Variants in PPEF2 observed in about 807,000 individuals in gnomAD.
PPEF2 encodes serine/threonine-protein phosphatase with EF-hands 2.
A neutral mutation model predicts 84.7 loss-of-function variants in PPEF2; 84 were observed. The ratio of observed to expected loss-of-function variants is 0.99; its 90% CI spans 0.83 to 1.19. PPEF2 has a LOEUF of 1.19. Among genes scored for constraint, PPEF2 ranks in the 50% most tolerant of loss-of-function variants. The pLI, the probability that PPEF2 is intolerant of heterozygous loss-of-function variation, is 0.00. For missense variants in PPEF2, 924 were observed against 937.5 expected, an observed-to-expected ratio of 0.99 and a Z score of 0.19; for synonymous variants, 346 against 345.2, an observed-to-expected ratio of 1.00 and a Z score of -0.03.
chr4:75,878,304 T>C (rs987966895), intron 10 of PPEF2, among the ~76,000 whole-genome samples: 1 of 152,128 alleles, frequency 6.6e-6, no homozygotes, highest in Non-Finnish European at 1.5e-5. Context: ...ACAGAGCAGA[T>C]TGTAGCAGCG....
chr4:75,868,773 C>T (rs1227348286), intron 13 of PPEF2, among the ~76,000 whole-genome samples: 1 of 152,028 alleles, frequency 6.6e-6, no homozygotes. Context: ...GAGGCTGAAG[C>T]GGGAGGATCA....
chr4:75,866,082 C>T (rs1724122883), intron 15 of PPEF2, 107 bp downstream of exon 15: 1 of 1,249,438 alleles, frequency 8.0e-7, no homozygotes. Context: ...CCTTTCTCAC[C>T]CATCCAGCTT....
intron 1 of PPEF2, among the ~76,000 whole-genome samples, chr4:75,896,870 C>T (rs61446730): frequency 0.73 from 111,008 of 151,468 alleles, 42,136 homozygotes; most frequent in East Asian, 0.98. Flanking sequence ...CCATAGGCCA[C>T]ACCTTTCTTT....
intron 11 of PPEF2, among the ~76,000 whole-genome samples, chr4:75,873,794 A>T (rs1309285499): frequency 1.4e-5 from 2 of 145,646 alleles, no homozygotes; most frequent in African/African-American, 5.0e-5. Flanking sequence ...TAGTTTAAGA[A>T]TTTTTTTTTT....
chr4:75,883,817 C>CAAAAAAAAAAA (rs35897623), intron 8 of PPEF2, among the ~76,000 whole-genome samples: 1 of 60,702 alleles, frequency 1.6e-5, no homozygotes, highest in Non-Finnish European at 2.8e-5. Context: ...GACTCCGTCA[C>CAAAAAAAAAAA]AAAAAAAAAA....
At chr4:75,871,591 C>T (rs1406831462) in intron 13 of PPEF2, among the ~76,000 whole-genome samples, 1 of 152,154 alleles carries the variant, frequency 6.6e-6, no homozygotes, top group African/African-American at 2.4e-5. Context: ...CCACCTCAGC[C>T]TCCCAAGTAG....
At chr4:75,862,738 T>C (rs1232324219) in intron 16 of PPEF2, among the ~76,000 whole-genome samples, 1 of 152,216 alleles carries the variant, frequency 6.6e-6, no homozygotes, top group Non-Finnish European at 1.5e-5. Context: ...AGAAATGATT[T>C]GGTAATTCCT....
intron 2 of PPEF2, 114 bp from the exon 3 acceptor site, chr4:75,892,092 TG>T: frequency 7.3e-7 from 1 of 1,371,346 alleles, no homozygotes; most frequent in Non-Finnish European, 1.0e-6. Context: ...GAGGACAAGA[TG>T]GAGCAGAAGC....
At chr4:75,885,028 G>C (rs529306651) in intron 7 of PPEF2, among the ~76,000 whole-genome samples, 1 of 152,166 alleles carries the variant, frequency 6.6e-6, no homozygotes, top group African/African-American at 2.4e-5. Flanking sequence ...CACCAAACTT[G>C]TGATCCAAAG....
chr4:75,889,061 A>T (rs1305583788), intron 5 of PPEF2: 2 of 152,326 alleles, frequency 1.3e-5, no homozygotes, highest in East Asian at 3.9e-4. Context: ...AATATAAAAA[A>T]ATTAGCCGGG....
In PPEF2 at chr4:75,883,186, C is replaced by T. The variant is rs1298391457; in HGVS notation, c.763G>A (p.Glu255Lys). 1 of 1,613,468 alleles carries T rather than the reference C, an allele frequency of 6.2e-7. No individual in the cohort carries two copies. The highest frequency in any genetic ancestry group is 1.3e-5 in the African/African-American group (1 of 74,892). ...MVNLRYGFTK[E>K]VMNKYKVHGK... ...CGCACCTTGTATTTATTCATCACTT[C>T]CTTGGTGAAGCCATATCTAGATTTA... is the stretch of plus-strand genomic sequence containing the variant. Residue 255 changes from glutamate (E) to lysine (K), a missense_variant, in exon 9 of 17, where the codon GAA (glutamate) becomes AAA (lysine). Coordinates refer to ENST00000286719, the MANE Select transcript of PPEF2 (RefSeq NM_006239.3).
At chr4:75,863,097 T>C (rs1197927169) in intron 16 of PPEF2, among the ~76,000 whole-genome samples, 1 of 152,142 alleles carries the variant, frequency 6.6e-6, no homozygotes, top group Non-Finnish European at 1.5e-5. Context: ...GGCAAATCCA[T>C]AGAGACAGAA....
At chr4:75,868,550 G>T (rs1724190863) in intron 13 of PPEF2, among the ~76,000 whole-genome samples, 1 of 151,990 alleles carries the variant, frequency 6.6e-6, no homozygotes, top group African/African-American at 2.4e-5. Flanking sequence ...TGTGAACCTA[G>T]CCTGGCATGG....
intron 16 of PPEF2, among the ~76,000 whole-genome samples, chr4:75,862,604 A>G (rs750542429): frequency 6.6e-5 from 10 of 152,124 alleles, no homozygotes; most frequent in Non-Finnish European, 1.5e-4. Context: ...AATGGGTATA[A>G]TAAAAACTAA....
intron 10 of PPEF2, among the ~76,000 whole-genome samples, chr4:75,880,688 G>A (rs1007651530): frequency 6.6e-6 from 1 of 152,172 alleles, no homozygotes; most frequent in African/African-American, 2.4e-5. Flanking sequence ...ATGGCTAGGT[G>A]TGGTCACTTA....
intron 16 of PPEF2, among the ~76,000 whole-genome samples, chr4:75,862,292 C>CAA (rs545540824): frequency 2.5e-4 from 19 of 77,408 alleles, no homozygotes; most frequent in African/African-American, 8.8e-4. Flanking sequence ...GACTCCATCT[C>CAA]AAAAAAAAAA....
At chr4:75,869,779 C>T (rs1038433538) in intron 13 of PPEF2, among the ~76,000 whole-genome samples, 5 of 151,884 alleles carry the variant, frequency 3.3e-5, no homozygotes, top group African/African-American at 1.2e-4. Flanking sequence ...ACTAGCAGGT[C>T]GAGGCTGCAG....
At position 75,864,407 on chromosome 4, in the gene PPEF2, C is replaced by A. The variant is rs146566033; in HGVS notation, c.2008+33G>T. The A allele has an allele frequency of 9.8e-4, 1,450 of 1,485,354 alleles. 14 individuals are homozygous for A. The African/African-American group carries it at 0.018, about 18-fold the overall frequency. The allele number at this position is 1,485,354 out of a possible 1,614,324, so 92.0% of individuals were successfully genotyped here. ...GGTTTAAGGTAAAATACTTGCAGTG[C>A]TTCAAAAGTGATAGAATAATGAGTG... On this transcript the variant is annotated intron_variant, in intron 16 of 16. Coordinates refer to ENST00000286719, the MANE Select transcript of PPEF2 (RefSeq NM_006239.3).
intron 11 of PPEF2, among the ~76,000 whole-genome samples, chr4:75,874,877 T>G (rs1156505999): frequency 1.3e-5 from 2 of 151,954 alleles, no homozygotes; most frequent in Non-Finnish European, 2.9e-5. Flanking sequence ...TTTTAGCTCT[T>G]AAATAATTCT....
Sources: allele counts gnomAD v4.1 joint callset (sites outside exome capture counted in the v4.1 genomes callset), GRCh38; gene constraint gnomAD v4.1.1; transcripts MANE v1.5; gene names NCBI Gene and HGNC (gene_info 2026-07-23, HGNC 2026-07-21).